The following DCAF10 variants were observed in gnomAD, a reference collection of about 807,000 sequenced individuals.
The protein encoded by DCAF10 is DDB1 and CUL4 associated factor 10, also known as DDB1- and CUL4-associated factor 10.
Under a neutral mutation model 51.9 loss-of-function variants are expected in DCAF10, and 19 were observed. The ratio of observed to expected loss-of-function variants is 0.37; its 90% CI spans 0.26 to 0.54. DCAF10 has a LOEUF of 0.54. Among genes scored for constraint, DCAF10 ranks in the 20% least tolerant of loss-of-function variants. The pLI, the probability that DCAF10 is intolerant of heterozygous loss-of-function variation, is 0.87. For missense variants in DCAF10, 510 were observed against 730.6 expected, an observed-to-expected ratio of 0.70 and a Z score of 3.48; for synonymous variants, 291 against 297.1, an observed-to-expected ratio of 0.98 and a Z score of 0.21.
At position 37,854,730 on chromosome 9, in the gene DCAF10, C is replaced by T. The variant is rs776400646; in HGVS notation, c.852-50C>T. 9.8e-6 allele frequency: 15 copies of T among 1,526,514 alleles called. No individual in the cohort carries two copies. The Admixed American group carries it at 1.1e-4, about 12-fold the overall frequency. 94.6% of individuals were successfully genotyped at this position (1,526,514 alleles called of 1,614,324 possible). ...GCAAAAAATATGATTATTACTGAAC[C>T]GTTATATTTATGATAACTCTAGATT... On this transcript the variant is annotated intron_variant, in intron 3 of 6. Coordinates refer to ENST00000377724, the MANE Select transcript of DCAF10 (RefSeq NM_024345.5).
intron 5 of DCAF10, among the ~76,000 whole-genome samples, chr9:37,858,805 T>C (rs1368514018): frequency 6.6e-6 from 1 of 152,204 alleles, no homozygotes; most frequent in Non-Finnish European, 1.5e-5. Flanking sequence ...ATTTTTGACA[T>C]GAAATCTGCT....
Position 37,800,975 on chromosome 9 carries a change from C to G in DCAF10, c.109C>G (p.Pro37Ala), listed in dbSNP as rs1351060722. Residue 37 changes from proline (P) to alanine (A), a missense_variant, in exon 1 of 7, where the codon CCA (proline) becomes GCA (alanine). Physicochemically the swap from Pro to Ala is conservative, Grantham distance 27. Transcript: ENST00000377724. ...GGCAGCAGCCACCGGGCCGCCCTCG[C>G]CACTACATCCCGGGGCTGATGCGAC... ...GQAAATGPPS[P>A]LHPGADATHP... 2 of 1,521,820 alleles carry G rather than the reference C, an allele frequency of 1.3e-6. No homozygotes were observed. Among genetic ancestry groups the G allele is most frequent in the Non-Finnish European group, 1.7e-6 (2 of 1,143,812 alleles). The allele number at this position is 1,521,820 out of a possible 1,614,324, so 94.3% of individuals were successfully genotyped here.
chr9:37,801,241 G>A lies in DCAF10; in HGVS notation c.375G>A (p.Gly125=), dbSNP rs762896759. 2.5e-6 allele frequency: 4 copies of A among 1,582,272 alleles called. No homozygotes were observed. The highest frequency in any genetic ancestry group is 1.4e-5 in the African/African-American group (1 of 72,018). ...GCGGCCCTGGCGCTAGGCTGTTCGG[G>A]TGGCTGAAAGAGCGCAGCCTGGGCC... ...GLGGPGARLF[G]WLKERSLGRG... Residue 125 remains glycine, a synonymous_variant, in exon 1 of 7, where the codon GGG becomes GGA. Coordinates refer to ENST00000377724, the MANE Select transcript of DCAF10 (RefSeq NM_024345.5). The surrounding 1 kb of genome is among the most constrained non-coding windows in gnomAD (Gnocchi z 5.5).
chr9:37,821,104 T>TAC (rs1554686348), intron 2 of DCAF10, among the ~76,000 whole-genome samples: 15 of 132,382 alleles, frequency 1.1e-4, no homozygotes, highest in East Asian at 8.1e-4. Flanking sequence ...TATATATATA[T>TAC]ACACACACAC....
intron 2 of DCAF10, among the ~76,000 whole-genome samples, chr9:37,839,012 G>A (rs1027414174): frequency 6.6e-6 from 1 of 151,976 alleles, no homozygotes; most frequent in Non-Finnish European, 1.5e-5. Context: ...CAGAAATTAA[G>A]CTAAACATCA....
Position 37,857,286 on chromosome 9 carries a change from C to A in DCAF10, c.1100C>A (p.Ser367Ter). The change falls in exon 5 of 7, where the codon TCA (serine) becomes TAA (stop). Residue 367 changes from serine (S) to a stop codon, truncating the protein, a stop_gained. Coordinates refer to ENST00000377724, the MANE Select transcript of DCAF10 (RefSeq NM_024345.5). LOFTEE classifies it high-confidence loss of function. Reference protein sequence around the residue: ...SSSSGPRVSGSPCHHSDSNSS... With the variant: ...SSSSGPRVSG ...TCATCTGGTCCTAGAGTTTCTGGCT[C>A]ACCTTGTCATCATAGTGATTCTAAT... 6.2e-7 allele frequency: 1 copy of A among 1,610,446 alleles called. No individual in the cohort carries two copies. Among genetic ancestry groups the A allele is most frequent in the Non-Finnish European group, 8.5e-7 (1 of 1,178,718 alleles).
chr9:37,840,906 G>A (rs1428691025), intron 2 of DCAF10, among the ~76,000 whole-genome samples: 1 of 152,044 alleles, frequency 6.6e-6, no homozygotes, highest in African/African-American at 2.4e-5. Context: ...AAATACTTAC[G>A]ATTGTGTTAC....
intron 1 of DCAF10, among the ~76,000 whole-genome samples, chr9:37,802,108 T>C (rs1377258664): frequency 6.6e-6 from 1 of 152,178 alleles, no homozygotes; most frequent in African/African-American, 2.4e-5. Context: ...TGAGGTGACA[T>C]AGTTAATGTA....
chr9:37,816,656 T>TGGGGG (rs201441275), intron 1 of DCAF10, among the ~76,000 whole-genome samples: 4 of 142,620 alleles, frequency 2.8e-5, no homozygotes, highest in Non-Finnish European at 4.5e-5. Flanking sequence ...CATCTGCACC[T>TGGGGG]GGGGTGTGTG....
intron 1 of DCAF10, among the ~76,000 whole-genome samples, chr9:37,802,530 C>T (rs1189778679): frequency 3.9e-5 from 6 of 151,936 alleles, no homozygotes; most frequent in Non-Finnish European, 8.8e-5. Flanking sequence ...GGCAGCATAT[C>T]ATGTTACAGG....
intron 2 of DCAF10, among the ~76,000 whole-genome samples, chr9:37,839,982 A>T (rs573317246): frequency 2.0e-5 from 3 of 152,248 alleles, no homozygotes; most frequent in Non-Finnish European, 4.4e-5. Flanking sequence ...GTTTACAGTA[A>T]AGTTGTTCCT....
chr9:37,813,735 A>C (rs570719900), intron 1 of DCAF10, among the ~76,000 whole-genome samples: 1 of 152,338 alleles, frequency 6.6e-6, no homozygotes, highest in African/African-American at 2.4e-5. Flanking sequence ...TTTTTCAATG[A>C]AAGTTCAGGA....
Position 37,865,925 on chromosome 9 carries a change from G to A in DCAF10, c.*4417G>A, listed in dbSNP as rs1831127770. On this transcript the variant is annotated 3_prime_UTR_variant, in exon 7 of 7. Transcript: ENST00000377724. ...GTTAAAATTGTGTTATCTAGAAAGT[G>A]CAATATAGGGAAAACACTCTAAGAA... The A allele has an allele frequency of 1.3e-5, 2 of 152,610 alleles. No individual in the cohort carries two copies. The highest frequency in any genetic ancestry group is 2.1e-4 in the South Asian group (1 of 4,838). The allele number at this position is 152,610 out of a possible 1,614,324, so 9.5% of individuals were successfully genotyped here.
chr9:37,813,067 A>G (rs1037089075), intron 1 of DCAF10, among the ~76,000 whole-genome samples: 9 of 152,176 alleles, frequency 5.9e-5, no homozygotes, highest in African/African-American at 9.7e-5. Flanking sequence ...TATATTTAAC[A>G]TACTAAATAG....
chr9:37,851,656 G>A (rs778433991), intron 3 of DCAF10, among the ~76,000 whole-genome samples: 3 of 151,388 alleles, frequency 2.0e-5, no homozygotes, highest in Non-Finnish European at 3.0e-5. Context: ...TTAGCTGGGC[G>A]TGATGGCAGG....
chr9:37,857,915 T>C (rs1830899566), intron 5 of DCAF10, among the ~76,000 whole-genome samples: 1 of 152,152 alleles, frequency 6.6e-6, no homozygotes, highest in Admixed American at 6.5e-5. Flanking sequence ...GTTGAAATGG[T>C]TTCTGCCTAT....
chr9:37,827,583 T>C (rs1216639673), intron 2 of DCAF10, among the ~76,000 whole-genome samples: 1 of 152,076 alleles, frequency 6.6e-6, no homozygotes, highest in Admixed American at 6.6e-5. Flanking sequence ...AAGACAGGAA[T>C]CCATGGGCCA....
intron 3 of DCAF10, among the ~76,000 whole-genome samples, chr9:37,848,566 G>A (rs1830540293): frequency 6.6e-6 from 1 of 152,200 alleles, no homozygotes; most frequent in Non-Finnish European, 1.5e-5. Context: ...GGAGCTGAGA[G>A]TGGGAACAGA....
rs59549239 is a variant in DCAF10 at position 37,822,404 on chromosome 9, G to GATATATATATATATAT, written c.653+3026_653+3041dup. The stretch of plus-strand genomic sequence containing the variant: ...ATCAATGAATGGATAAAGAAACTGT[G>GATATATATATATATAT]ATATATATATATATATATATATATA... On this transcript the variant is annotated intron_variant, in intron 2 of 6. Transcript: ENST00000377724. Among the ~76,000 whole-genome samples, 279 of 124,484 alleles carry GATATATATATATATAT rather than the reference G, an allele frequency of 2.2e-3. 1 individual carries two copies. The highest frequency in any genetic ancestry group is 5.1e-3 in the Middle Eastern group (1 of 196). The allele number at this position is 124,484 out of a possible 152,430, so 81.7% of individuals were successfully genotyped here. A position where few individuals can be genotyped will look rare whatever the true frequency, so the allele number is the denominator to read the frequency against.
Sources: gnomAD v4.1 joint callset for allele counts (sites outside exome capture counted in the v4.1 genomes callset) on GRCh38, gnomAD v4.1.1 for gene constraint, Gnocchi (gnomAD v3.1) non-coding constraint, MANE v1.5 for transcripts, NCBI Gene and HGNC (gene_info 2026-07-23, HGNC 2026-07-21) for gene names.